The following GSE1 variants were observed in gnomAD, a reference collection of about 807,000 sequenced individuals.
The protein encoded by GSE1 is genetic suppressor element 1.
A neutral mutation model predicts 112.6 loss-of-function variants in GSE1; 32 were observed. The ratio of observed to expected loss-of-function variants is 0.28; its 90% CI spans 0.21 to 0.38. The LOEUF (loss-of-function observed/expected upper bound fraction) is 0.38. Ranked by LOEUF, GSE1 falls within the 10% of genes least tolerant of loss-of-function variation. GSE1 has a pLI of 1.00. For missense variants in GSE1, 2,348 were observed against 1,699.2 expected (o/e 1.38, Z -6.71); for synonymous variants, 1,115 against 735.6 (o/e 1.52, Z -8.35).
intron 1 of GSE1, among the ~76,000 whole-genome samples, chr16:85,319,387 A>G (rs2046052001): frequency 6.6e-6 from 1 of 152,158 alleles, no homozygotes; most frequent in South Asian, 2.1e-4. Flanking sequence ...CTCTTCTAGC[A>G]GAGCAGGAGA....
intron 2 of GSE1, among the ~76,000 whole-genome samples, chr16:85,429,149 G>T (rs1169289433): frequency 6.6e-6 from 1 of 152,216 alleles, no homozygotes; most frequent in Non-Finnish European, 1.5e-5. Flanking sequence ...CAACATACAT[G>T]CAGAGGTGCA....
intron 2 of GSE1, among the ~76,000 whole-genome samples, chr16:85,532,205 C>A (rs764687142): frequency 4.6e-5 from 7 of 152,182 alleles, no homozygotes; most frequent in Non-Finnish European, 1.0e-4. Context: ...TATGGGGAAA[C>A]TGAGGCACGT....
At position 85,370,620 on chromosome 16, in the gene GSE1, CCTCCCTCCTTCTCTCCCTCCCTCCTTCT is replaced by C. The variant is rs1461060627; in HGVS notation, c.2464+12986_2464+13013del. Among the ~76,000 whole-genome samples the C allele has an allele frequency of 3.3e-5, 5 of 151,272 alleles. No homozygotes were observed. The South Asian group carries it at 1.0e-3, about 32-fold the overall frequency. On this transcript the variant is annotated intron_variant, in intron 2 of 2. Transcript: ENST00000637419. ...CTTCTCTTCCCTCCCTCCTTCTCTC[CCTCCCTCCTTCTCTCCCTCCCTCCTTCT>C]CTCCCTCCCTCCCATGGGGACGGCT...
At chr16:85,346,400 A>G (rs2046738335) in intron 1 of GSE1, among the ~76,000 whole-genome samples, 1 of 138,654 alleles carries the variant, frequency 7.2e-6, no homozygotes, top group Admixed American at 7.2e-5. Flanking sequence ...GGATGGATGG[A>G]TGATGGGCGG....
intron 2 of GSE1, among the ~76,000 whole-genome samples, chr16:85,433,047 C>G (rs183181400): frequency 1.3e-5 from 2 of 151,568 alleles, no homozygotes; most frequent in East Asian, 3.9e-4. Context: ...GATGATAAGT[C>G]CCCCCCAGAG....
intron 2 of GSE1, among the ~76,000 whole-genome samples, chr16:85,533,750 A>T (rs570370007): frequency 5.9e-5 from 9 of 152,210 alleles, no homozygotes; most frequent in African/African-American, 2.2e-4. Flanking sequence ...CTGTGATCCC[A>T]GCTACTTGGG....
At chr16:85,389,074 G>A (rs1477827081) in intron 2 of GSE1, among the ~76,000 whole-genome samples, 1 of 152,184 alleles carries the variant, frequency 6.6e-6, no homozygotes, top group Non-Finnish European at 1.5e-5. Context: ...AGGCTCTGAG[G>A]CCCCCCAGCC....
At chr16:85,261,773 A>G (rs1009789225) in intron 1 of GSE1, among the ~76,000 whole-genome samples, 3 of 152,202 alleles carry the variant, frequency 2.0e-5, no homozygotes, top group Non-Finnish European at 4.4e-5. Context: ...CAGAGCCGCC[A>G]TCGTCCCCAG....
At chr16:85,558,949 C>A (rs977773441) in intron 1 of GSE1, among the ~76,000 whole-genome samples, 2 of 151,472 alleles carry the variant, frequency 1.3e-5, no homozygotes, top group Non-Finnish European at 2.9e-5. Context: ...CCTCCACCTT[C>A]CAGGTTCAAG....
At chr16:85,458,560 C>T (rs2049894537) in intron 2 of GSE1, among the ~76,000 whole-genome samples, 1 of 152,200 alleles carries the variant, frequency 6.6e-6, no homozygotes. Context: ...GCCCAGGGGC[C>T]AGGGGAATCT....
intron 2 of GSE1, among the ~76,000 whole-genome samples, chr16:85,522,439 C>A (rs987443443): frequency 6.6e-6 from 1 of 152,038 alleles, no homozygotes; most frequent in East Asian, 1.9e-4. Flanking sequence ...CACTCCCTCC[C>A]TGCCAGAGGA....
chr16:85,369,717 T>C (rs1302822517), intron 2 of GSE1, among the ~76,000 whole-genome samples: 1 of 152,224 alleles, frequency 6.6e-6, no homozygotes, highest in Non-Finnish European at 1.5e-5. Context: ...TGTGGACGTC[T>C]TTTGGGGCTG....
At chr16:85,257,452 C>A (rs562407985) in intron 1 of GSE1, among the ~76,000 whole-genome samples, 1 of 152,272 alleles carries the variant, frequency 6.6e-6, no homozygotes, top group Admixed American at 6.5e-5. Flanking sequence ...GAGCTCATTC[C>A]CTTATATTTT....
chr16:85,630,978 G>T (rs2049493061), intron 1 of GSE1, among the ~76,000 whole-genome samples: 1 of 152,326 alleles, frequency 6.6e-6, no homozygotes, highest in South Asian at 2.1e-4. Context: ...CGACTGGTCT[G>T]TGTGACTTCT....
intron 2 of GSE1, among the ~76,000 whole-genome samples, chr16:85,445,032 G>A (rs576730580): frequency 6.6e-5 from 10 of 152,356 alleles, no homozygotes; most frequent in East Asian, 1.9e-4. Context: ...CCCGCCGCAC[G>A]CAGGCAGGGG....
intron 1 of GSE1, among the ~76,000 whole-genome samples, chr16:85,604,474 C>A (rs946126579): frequency 3.3e-5 from 5 of 151,920 alleles, no homozygotes; most frequent in African/African-American, 1.2e-4. Flanking sequence ...AACATCCGTA[C>A]AAGGTTTTGC....
intron 2 of GSE1, among the ~76,000 whole-genome samples, chr16:85,414,708 C>A (rs192109741): frequency 6.6e-6 from 1 of 152,220 alleles, no homozygotes; most frequent in African/African-American, 2.4e-5. Context: ...GATCTTGGCT[C>A]ACTGAAACCT....
At chr16:85,510,271 G>A (rs758883837) in intron 2 of GSE1, among the ~76,000 whole-genome samples, 3 of 152,162 alleles carry the variant, frequency 2.0e-5, no homozygotes, top group Non-Finnish European at 2.9e-5. Flanking sequence ...TTGCTGCCAC[G>A]AGGACCCCAC....
At chr16:85,210,277 T>C (rs1597806962) in intron 1 of GSE1, among the ~76,000 whole-genome samples, 1 of 152,236 alleles carries the variant, frequency 6.6e-6, no homozygotes, top group South Asian at 2.1e-4. Flanking sequence ...AGTTGTTCTT[T>C]GCACTGTTAT....
Sources: allele counts gnomAD v4.1 joint callset (sites outside exome capture counted in the v4.1 genomes callset), GRCh38; gene constraint gnomAD v4.1.1; transcripts MANE v1.5; gene names NCBI Gene and HGNC (gene_info 2026-07-23, HGNC 2026-07-21).